The following SATL1 variants were observed in gnomAD, a reference collection of about 807,000 sequenced individuals.
The protein encoded by SATL1 is spermidine/spermine N1-acetyl transferase like 1.
A neutral mutation model predicts 51.8 loss-of-function variants in SATL1; 47 were observed. The ratio of observed to expected loss-of-function variants is 0.91; its 90% CI spans 0.72 to 1.16. The LOEUF (loss-of-function observed/expected upper bound fraction) is 1.16. Among genes scored for constraint, SATL1 ranks in the 50% most tolerant of loss-of-function variants. The pLI is 0.00. For missense variants in SATL1, 520 were observed against 526.4 expected, an observed-to-expected ratio of 0.99 and a Z score of 0.12; for synonymous variants, 176 against 182.4, an observed-to-expected ratio of 0.97 and a Z score of 0.28.
chrX:85,182,518 TC>T (rs1927226583), intron 2 of SATL1, among the ~76,000 whole-genome samples: 1 of 112,014 alleles, frequency 8.9e-6, no homozygotes, highest in African/African-American at 3.2e-5. Context: ...TGTTTCTATA[TC>T]GTAGCTACCG....
intron 6 of SATL1, 96 bp from the exon 7 acceptor site, chrX:85,093,321 G>A: frequency 1.2e-6 from 1 of 846,453 alleles, no homozygotes; most frequent in Non-Finnish European, 1.7e-6. Context: ...CTCTGTATCT[G>A]TTTTTTGTAT....
chrX:85,116,641 C>G (rs967251018), intron 2 of SATL1, among the ~76,000 whole-genome samples: 1 of 111,589 alleles, frequency 9.0e-6, no homozygotes, highest in East Asian at 2.8e-4. Flanking sequence ...ACTCACTCAA[C>G]TTCTGAGAGA....
intron 2 of SATL1, among the ~76,000 whole-genome samples, chrX:85,187,673 T>G (rs1024332762): frequency 2.7e-5 from 3 of 111,952 alleles, no homozygotes; most frequent in Middle Eastern, 8.3e-3. Flanking sequence ...AAATTCCATT[T>G]GATCATGGTG....
chrX:85,130,193 A>T (rs917650105), intron 2 of SATL1, among the ~76,000 whole-genome samples: 1 of 111,523 alleles, frequency 9.0e-6, no homozygotes, highest in Admixed American at 9.5e-5. Flanking sequence ...CTCTTTTTCT[A>T]TTGATTGGAA....
chrX:85,193,917 C>T (rs367596234), intron 2 of SATL1, among the ~76,000 whole-genome samples: 4 of 111,730 alleles, frequency 3.6e-5, no homozygotes, highest in African/African-American at 6.5e-5. Flanking sequence ...TACAATTTGT[C>T]GTTGGTGGGC....
At chrX:85,097,134 A>G (rs1020120248) in intron 4 of SATL1, among the ~76,000 whole-genome samples, 1 of 110,767 alleles carries the variant, frequency 9.0e-6, no homozygotes, top group Non-Finnish European at 1.9e-5. Flanking sequence ...ATCAAAAACG[A>G]TATTCATTGG....
At chrX:85,151,296 G>A (rs1223245634) in intron 2 of SATL1, among the ~76,000 whole-genome samples, 13 of 110,445 alleles carry the variant, frequency 1.2e-4, no homozygotes, top group South Asian at 3.9e-4. Context: ...ACTACAAACC[G>A]GTGCTCAAGG....
intron 2 of SATL1, among the ~76,000 whole-genome samples, chrX:85,109,788 G>A (rs966476782): frequency 3.6e-5 from 4 of 111,164 alleles, no homozygotes; most frequent in Non-Finnish European, 5.7e-5. Context: ...GCGGGTGGAT[G>A]GCCTGGGGTC....
chrX:85,147,637 C>T (rs775880066), intron 2 of SATL1, among the ~76,000 whole-genome samples: 8 of 111,530 alleles, frequency 7.2e-5, no homozygotes, highest in East Asian at 2.8e-4. Flanking sequence ...TCCAGAGGAA[C>T]GATCAGACAG....
chrX:85,150,458 C>A (rs764882610), intron 2 of SATL1, among the ~76,000 whole-genome samples: 2,681 of 108,112 alleles, frequency 0.025, 86 homozygotes, highest in African/African-American at 0.087. Context: ...CTCCCTAACT[C>A]ATTTTATGAG....
At chrX:85,152,224 C>T (rs1266207738) in intron 2 of SATL1, among the ~76,000 whole-genome samples, 1 of 111,916 alleles carries the variant, frequency 8.9e-6, no homozygotes, top group Admixed American at 9.5e-5. Flanking sequence ...AAATGCTCAC[C>T]ATCACTGGCC....
chrX:85,112,658 G>A (rs1245458229), intron 2 of SATL1, among the ~76,000 whole-genome samples: 2 of 111,381 alleles, frequency 1.8e-5, no homozygotes, highest in East Asian at 5.7e-4. Context: ...TCATATACCA[G>A]TTAGACTCAG....
chrX:85,103,989 G>A (rs1569464450), intron 3 of SATL1, 74 bp from the exon 4 acceptor site: 3 of 785,243 alleles, frequency 3.8e-6, no homozygotes, highest in Non-Finnish European at 5.7e-6. Context: ...CATAAAATTT[G>A]TATTAAACAT....
intron 2 of SATL1, chrX:85,117,200 G>C (rs757014518): frequency 9.0e-5 from 10 of 111,401 alleles, no homozygotes; most frequent in Non-Finnish European, 1.7e-4. Flanking sequence ...TTGCCCACTT[G>C]GCCATCTTCC....
At chrX:85,180,477 C>T (rs1050736013) in intron 2 of SATL1, among the ~76,000 whole-genome samples, 11 of 111,340 alleles carry the variant, frequency 9.9e-5, no homozygotes, top group African/African-American at 3.6e-4. Context: ...ACACTGTAGG[C>T]AACCAACACA....
chrX:85,134,254 C>A (rs1162197857), intron 2 of SATL1, among the ~76,000 whole-genome samples: 2 of 110,312 alleles, frequency 1.8e-5, no homozygotes, highest in Non-Finnish European at 3.8e-5. Flanking sequence ...TAATGGAAAG[C>A]TTCAAGATGG....
chrX:85,200,369 A>G (rs1927664239), intron 2 of SATL1, among the ~76,000 whole-genome samples: 2 of 112,423 alleles, frequency 1.8e-5, no homozygotes, highest in Non-Finnish European at 3.8e-5. Context: ...TTATTGACAT[A>G]CAATGAGCAG....
chrX:85,187,619 T>C (rs999821426), intron 2 of SATL1, among the ~76,000 whole-genome samples: 1 of 112,094 alleles, frequency 8.9e-6, no homozygotes, highest in Non-Finnish European at 1.9e-5. Flanking sequence ...ATATATCACA[T>C]TTATTGATTT....
At chrX:85,209,649 G>A (rs1289151742) in intron 2 of SATL1, 1 of 111,185 alleles carries the variant, frequency 9.0e-6, no homozygotes, top group African/African-American at 3.3e-5. Context: ...TCGTGAATGG[G>A]AATTCACTCA....
Sources: gnomAD v4.1 joint callset for allele counts (sites outside exome capture counted in the v4.1 genomes callset) on GRCh38, gnomAD v4.1.1 for gene constraint, MANE v1.5 for transcripts, NCBI Gene and HGNC (gene_info 2026-07-23, HGNC 2026-07-21) for gene names.